ZDHHC13: variants seen among roughly 807,000 people sequenced by gnomAD.
ZDHHC13 encodes palmitoyltransferase ZDHHC13.
Under a neutral mutation model 86.0 loss-of-function variants are expected in ZDHHC13, and 85 were observed. The observed-to-expected ratio is 0.99, with a 90% CI of 0.83 to 1.18. The LOEUF is 1.18. ZDHHC13 is among the 50% of genes most tolerant of loss of function. The pLI, the probability that ZDHHC13 is intolerant of heterozygous loss-of-function variation, is 0.00. For missense variants in ZDHHC13, 711 were observed against 730.2 expected (o/e 0.97, Z 0.30); for synonymous variants, 263 against 246.4 (o/e 1.07, Z -0.63).
chr11:19,175,902 C>T lies in ZDHHC13; in HGVS notation c.1811C>T (p.Thr604Ile), dbSNP rs769992277. 16 of 1,613,490 alleles carry T rather than the reference C, an allele frequency of 9.9e-6. No homozygotes were observed. Among genetic ancestry groups the T allele is most frequent in the Admixed American group, 1.7e-5 (1 of 59,966 alleles). Reference protein sequence around the residue: ...GLVKPCVVDWTSQYTMVFHPA... With the variant: ...GLVKPCVVDWISQYTMVFHPA... ...GTGAAGCCCTGTGTGGTAGATTGGA[C>T]ATCACAGTACACCATGGTCTTTCAC... The change falls in exon 17 of 17, where the codon ACA becomes ATA. Residue 604 changes from threonine (T) to isoleucine (I), a missense_variant. Physicochemically the swap from Thr to Ile is moderately conservative, Grantham distance 89 (BLOSUM62 -1). Transcript: ENST00000446113.
chr11:19,140,270 C>T (rs548219515), intron 1 of ZDHHC13, among the ~76,000 whole-genome samples: 1 of 152,210 alleles, frequency 6.6e-6, no homozygotes, highest in South Asian at 2.1e-4. Flanking sequence ...TGAACAGACA[C>T]TTCTCAAAAG....
At chr11:19,169,805 C>T in intron 14 of ZDHHC13, 1 of 985,512 alleles carries the variant, frequency 1.0e-6, no homozygotes, top group Non-Finnish European at 1.2e-6. Flanking sequence ...TGAGCTGTGA[C>T]CATCTGAATC....
intron 1 of ZDHHC13, among the ~76,000 whole-genome samples, chr11:19,122,427 T>TTAC (rs1848776477): frequency 6.6e-6 from 1 of 152,144 alleles, no homozygotes; most frequent in Admixed American, 6.5e-5. Context: ...ATTATTATTA[T>TTAC]TACCTCAATT....
At chr11:19,164,730 C>T in intron 12 of ZDHHC13, 1 of 414,380 alleles carries the variant, frequency 2.4e-6, no homozygotes, top group Non-Finnish European at 4.3e-6. Context: ...GTAAATTCTC[C>T]CAAATTATTG....
At chr11:19,151,734 C>T (rs1849613470) in intron 6 of ZDHHC13, among the ~76,000 whole-genome samples, 2 of 152,034 alleles carry the variant, frequency 1.3e-5, no homozygotes, top group African/African-American at 2.4e-5. Flanking sequence ...TTTATACCTG[C>T]TTTATTTAAC....
intron 1 of ZDHHC13, among the ~76,000 whole-genome samples, chr11:19,121,321 AG>A (rs1258819635): frequency 2.0e-5 from 3 of 152,266 alleles, no homozygotes; most frequent in African/African-American, 7.2e-5. Flanking sequence ...TCAAGGTCTG[AG>A]GAGTAGTCTG....
In ZDHHC13 at chr11:19,140,490, T is replaced by C. The variant is rs191666973; in HGVS notation, c.28-2488T>C. Among the ~76,000 whole-genome samples the C allele has an allele frequency of 6.7e-3, 1,025 of 152,274 alleles. 9 individuals carry two copies. Among genetic ancestry groups the C allele is most frequent in the African/African-American group, 0.023 (969 of 41,536 alleles). ...GTGGGACTGTAAACTAGTTCAACCA[T>C]TGTGGAAGTCAGTGTGGCGATTCCT... is the stretch of plus-strand genomic sequence containing the variant. On this transcript the variant is annotated intron_variant, in intron 1 of 16. Transcript: ENST00000446113.
intron 10 of ZDHHC13, among the ~76,000 whole-genome samples, chr11:19,161,062 C>T (rs1344458967): frequency 2.0e-5 from 3 of 151,948 alleles, no homozygotes; most frequent in African/African-American, 7.3e-5. Flanking sequence ...ACTTCACCAT[C>T]AGAATAATGT....
At chr11:19,124,010 T>C (rs1455793238) in intron 1 of ZDHHC13, among the ~76,000 whole-genome samples, 2 of 152,158 alleles carry the variant, frequency 1.3e-5, no homozygotes, top group Non-Finnish European at 2.9e-5. Flanking sequence ...AAATGCACGT[T>C]TTTTGACTCA....
intron 1 of ZDHHC13, among the ~76,000 whole-genome samples, chr11:19,133,394 C>T (rs1016826364): frequency 1.3e-4 from 19 of 150,122 alleles, no homozygotes; most frequent in African/African-American, 2.9e-4. Context: ...TATACACACA[C>T]ACACACACAC....
intron 5 of ZDHHC13, among the ~76,000 whole-genome samples, chr11:19,150,170 G>A (rs1023665130): frequency 6.6e-6 from 1 of 151,830 alleles, no homozygotes; most frequent in Non-Finnish European, 1.5e-5. Flanking sequence ...ACCTAGACCT[G>A]TCTTATTAAA....
At chr11:19,162,355 C>T (rs1849935615) in intron 10 of ZDHHC13, among the ~76,000 whole-genome samples, 1 of 152,090 alleles carries the variant, frequency 6.6e-6, no homozygotes, top group Admixed American at 6.6e-5. Context: ...TGTCTATAAA[C>T]TATAGTCCAC....
chr11:19,159,847 G>A (rs1019004185), intron 10 of ZDHHC13, among the ~76,000 whole-genome samples: 1 of 151,778 alleles, frequency 6.6e-6, no homozygotes, highest in Non-Finnish European at 1.5e-5. Flanking sequence ...CTTCAGGTAG[G>A]TGGAAGGCAT....
At chr11:19,162,621 G>T (rs150175194) in intron 10 of ZDHHC13, among the ~76,000 whole-genome samples, 1 of 152,112 alleles carries the variant, frequency 6.6e-6, no homozygotes, top group Admixed American at 6.5e-5. Flanking sequence ...GTGATAGGGT[G>T]TAATTCACTT....
chr11:19,154,592 T>G (rs139800665), intron 8 of ZDHHC13, among the ~76,000 whole-genome samples: 82 of 152,306 alleles, frequency 5.4e-4, no homozygotes, highest in African/African-American at 1.9e-3. Context: ...CAGCTTCAAT[T>G]CAGTCAGACC....
intron 14 of ZDHHC13, chr11:19,169,264 C>T (rs1202338939): frequency 2.0e-6 from 2 of 985,272 alleles, no homozygotes; most frequent in East Asian, 2.3e-4. Flanking sequence ...ATATCAGGTG[C>T]ATGGGATGCA....
At chr11:19,137,824 C>T (rs1041606841) in intron 1 of ZDHHC13, among the ~76,000 whole-genome samples, 2 of 152,038 alleles carry the variant, frequency 1.3e-5, no homozygotes, top group Admixed American at 1.3e-4. Context: ...GGGTACATAA[C>T]AAAATGAAGG....
intron 1 of ZDHHC13, among the ~76,000 whole-genome samples, chr11:19,126,984 G>A (rs1411852825): frequency 1.3e-5 from 2 of 152,168 alleles, no homozygotes; most frequent in African/African-American, 4.8e-5. Context: ...CCAGTAATGG[G>A]ATTGCTGGGT....
intron 1 of ZDHHC13, among the ~76,000 whole-genome samples, chr11:19,130,627 C>T (rs1257435482): frequency 6.6e-6 from 1 of 152,084 alleles, no homozygotes; most frequent in South Asian, 2.1e-4. Context: ...AGGTTATTAA[C>T]GTGAAAGCTT....
Sources: allele counts gnomAD v4.1 joint callset (sites outside exome capture counted in the v4.1 genomes callset), GRCh38; gene constraint gnomAD v4.1.1; transcripts MANE v1.5; gene names NCBI Gene and HGNC (gene_info 2026-07-23, HGNC 2026-07-21).